The following ITPR2 variants were observed in gnomAD, a reference collection of about 807,000 sequenced individuals.
The protein encoded by ITPR2 is inositol 1,4,5-trisphosphate receptor type 2.
A neutral mutation model predicts 317.1 loss-of-function variants in ITPR2; 207 were observed. The observed-to-expected ratio is 0.65, with a 90% CI of 0.58 to 0.73. The LOEUF (loss-of-function observed/expected upper bound fraction) is 0.73, where lower values mean the gene tolerates loss of function less well. Ranked by LOEUF, ITPR2 falls within the 30% of genes least tolerant of loss-of-function variation. The probability of loss-of-function intolerance (pLI) is 0.00; values close to 1 mark genes in which losing one functional copy is unlikely to be tolerated. For synonymous variants in ITPR2, 1,156 were observed against 1,149.1 expected, an observed-to-expected ratio of 1.01 and a Z score of -0.12; for missense variants, 2,613 against 3,284.0, an observed-to-expected ratio of 0.80 and a Z score of 4.99.
intron 2 of ITPR2, among the ~76,000 whole-genome samples, chr12:26,756,676 T>G (rs1949527485): frequency 6.6e-6 from 1 of 152,190 alleles, no homozygotes; most frequent in Admixed American, 6.5e-5. Context: ...CAAGAGATGC[T>G]AATAGGCAGA....
intron 10 of ITPR2, among the ~76,000 whole-genome samples, chr12:26,693,840 A>G (rs1200593158): frequency 6.6e-6 from 1 of 152,228 alleles, no homozygotes; most frequent in African/African-American, 2.4e-5. Flanking sequence ...CTCTTTTACT[A>G]GAAACAACTT....
intron 9 of ITPR2, among the ~76,000 whole-genome samples, chr12:26,706,548 C>G (rs1441688024): frequency 6.6e-6 from 1 of 152,146 alleles, no homozygotes; most frequent in African/African-American, 2.4e-5. Flanking sequence ...TCCCCATGTG[C>G]CTTACTCATT....
intron 37 of ITPR2, among the ~76,000 whole-genome samples, chr12:26,529,481 A>G (rs960727277): frequency 1.3e-5 from 2 of 152,198 alleles, no homozygotes; most frequent in Admixed American, 6.5e-5. Context: ...GACCCTGTCA[A>G]AGATGCATTC....
Position 26,587,891 on chromosome 12 carries a change from C to G in ITPR2, c.4380+7574G>C, listed in dbSNP as rs183204348. On this transcript the variant is annotated intron_variant, in intron 32 of 56. Coordinates refer to ENST00000381340, the MANE Select transcript of ITPR2 (RefSeq NM_002223.4). ...TGAGAGAGAATGGTACTTGGGGTAG[C>G]GTAGTTGTGATGGGAGTGTTCAGGA... 7.2e-5 allele frequency among the ~76,000 whole-genome samples: 11 copies of G among 152,144 alleles called. No homozygotes were observed. In the East Asian group the frequency reaches 2.1e-3, roughly 29 times the overall value.
chr12:26,533,709 A>G (rs1322573981), intron 37 of ITPR2, among the ~76,000 whole-genome samples: 4 of 152,182 alleles, frequency 2.6e-5, no homozygotes, highest in Non-Finnish European at 2.9e-5. Context: ...AGACACAAGG[A>G]GAGGGTGGCC....
chr12:26,705,480 A>G (rs577388928), intron 9 of ITPR2, among the ~76,000 whole-genome samples: 2 of 152,048 alleles, frequency 1.3e-5, no homozygotes, highest in East Asian at 3.9e-4. Context: ...TCATGATTCT[A>G]CCTTCAAACA....
intron 54 of ITPR2, among the ~76,000 whole-genome samples, chr12:26,397,768 A>G (rs1324424163): frequency 6.6e-6 from 1 of 152,220 alleles, no homozygotes; most frequent in African/African-American, 2.4e-5. Flanking sequence ...TGTTACATAC[A>G]GTAACGTTGT....
intron 51 of ITPR2, 40 bp downstream of exon 51, chr12:26,415,263 C>G (rs1429187270): frequency 1.5e-6 from 2 of 1,332,710 alleles, no homozygotes; most frequent in South Asian, 2.8e-5. Flanking sequence ...CAAGTCATAT[C>G]TGCCATCAGA....
intron 47 of ITPR2, 68 bp from the exon 48 acceptor site, chr12:26,436,414 C>A (rs1233871302): frequency 2.1e-6 from 3 of 1,411,820 alleles, no homozygotes; most frequent in South Asian, 1.4e-5. Flanking sequence ...ATGAAGCTTA[C>A]CAAAACAATA....
At chr12:26,536,474 G>A (rs564743292) in intron 37 of ITPR2, among the ~76,000 whole-genome samples, 2 of 152,266 alleles carry the variant, frequency 1.3e-5, no homozygotes, top group Non-Finnish European at 2.9e-5. Flanking sequence ...CTGAAGAACC[G>A]GGAAATTTGA....
chr12:26,543,987 G>A (rs2136989686), intron 37 of ITPR2, among the ~76,000 whole-genome samples: 1 of 152,112 alleles, frequency 6.6e-6, no homozygotes, highest in East Asian at 1.9e-4. Flanking sequence ...GTAAACTCTT[G>A]CTTTTCTATC....
intron 1 of ITPR2, among the ~76,000 whole-genome samples, chr12:26,810,036 G>A (rs544052585): frequency 6.6e-6 from 1 of 152,290 alleles, no homozygotes; most frequent in South Asian, 2.1e-4. Flanking sequence ...CCACATCCAC[G>A]CAAGATGATG....
At chr12:26,695,703 C>T (rs1022139071) in intron 9 of ITPR2, 53 bp from the exon 10 acceptor site, 1 of 1,142,288 alleles carries the variant, frequency 8.8e-7, no homozygotes, top group Non-Finnish European at 1.3e-6. Context: ...AGCACACTAA[C>T]AAGACCATTG....
intron 34 of ITPR2, among the ~76,000 whole-genome samples, chr12:26,574,164 G>C (rs952356722): frequency 1.3e-5 from 2 of 151,422 alleles, no homozygotes; most frequent in Non-Finnish European, 2.9e-5. Flanking sequence ...ACAGAAATCT[G>C]CCTCTTGCAG....
chr12:26,547,620 A>G (rs1002276619), intron 37 of ITPR2, among the ~76,000 whole-genome samples: 2 of 152,282 alleles, frequency 1.3e-5, no homozygotes, highest in African/African-American at 4.8e-5. Context: ...CTGCAACATT[A>G]TTCACCACAG....
chr12:26,416,725 T>C (rs771524721), intron 50 of ITPR2, among the ~76,000 whole-genome samples: 2 of 152,212 alleles, frequency 1.3e-5, no homozygotes, highest in Non-Finnish European at 2.9e-5. Flanking sequence ...AAGTCAATAT[T>C]CTTCAGTACA....
chr12:26,396,588 C>T (rs1213772031), intron 54 of ITPR2, among the ~76,000 whole-genome samples: 2 of 152,150 alleles, frequency 1.3e-5, no homozygotes, highest in African/African-American at 4.8e-5. Flanking sequence ...GGGCTTTCCA[C>T]TTGTAGTCTC....
At position 26,685,477 on chromosome 12, in the gene ITPR2, G is replaced by C. The variant is rs142919180; in HGVS notation, c.1148+1004C>G. On this transcript the variant is annotated intron_variant, in intron 11 of 56. Transcript: ENST00000381340. ...CAGAGCATGGTGGTGCATGCCTATA[G>C]TCCCAGCTACTCAGGAGACTGAGGT... 7.2e-3 allele frequency among the ~76,000 whole-genome samples: 1,093 copies of C among 152,164 alleles called. 3 individuals are homozygous for C. Among genetic ancestry groups the C allele is most frequent in the Middle Eastern group, 0.024 (7 of 294 alleles).
chr12:26,374,100 T>C (rs941272814), intron 55 of ITPR2, among the ~76,000 whole-genome samples: 1 of 152,250 alleles, frequency 6.6e-6, no homozygotes, highest in African/African-American at 2.4e-5. Context: ...CTCTTTGTGG[T>C]AAGATCTGTC....
Sources: gnomAD v4.1 joint callset for allele counts (sites outside exome capture counted in the v4.1 genomes callset) on GRCh38, gnomAD v4.1.1 for gene constraint, MANE v1.5 for transcripts, NCBI Gene and HGNC (gene_info 2026-07-23, HGNC 2026-07-21) for gene names.